The following EGF variants were observed in gnomAD, a reference collection of about 807,000 sequenced individuals.
The protein encoded by EGF is epidermal growth factor.
In EGF, 95 loss-of-function variants were observed where a neutral mutation model predicts 143.8. The observed-to-expected ratio is 0.66, with a 90% confidence interval of 0.56 to 0.78. The LOEUF is 0.78. EGF is among the 30% of genes least tolerant of loss of function. EGF has a pLI of 0.00. For missense variants in EGF, 1,320 were observed against 1,470.9 expected, an observed-to-expected ratio of 0.90 and a Z score of 1.68; for synonymous variants, 510 against 510.5, an observed-to-expected ratio of 1.00 and a Z score of 0.01.
chr4:109,960,437 G>A (rs1475852982), intron 6 of EGF, among the ~76,000 whole-genome samples: 1 of 152,206 alleles, frequency 6.6e-6, no homozygotes, highest in African/African-American at 2.4e-5. Context: ...TTGAGTCCCA[G>A]AGTTCAAGAT....
chr4:109,998,601 C>A (rs533430531), intron 20 of EGF, among the ~76,000 whole-genome samples: 2 of 152,332 alleles, frequency 1.3e-5, no homozygotes, highest in African/African-American at 4.8e-5. Context: ...AAGTACTAAT[C>A]CATTTCCCTC....
At chr4:109,946,808 A>G (rs1742940439) in intron 5 of EGF, among the ~76,000 whole-genome samples, 1 of 152,204 alleles carries the variant, frequency 6.6e-6, no homozygotes, top group African/African-American at 2.4e-5. Context: ...TTCTAAATGT[A>G]GTCTTCTCTG....
intron 23 of EGF, among the ~76,000 whole-genome samples, chr4:110,010,377 C>G (rs538461116): frequency 6.6e-6 from 1 of 152,180 alleles, no homozygotes; most frequent in East Asian, 1.9e-4. Context: ...GTGTCAGGTT[C>G]TTTAAATCAC....
chr4:109,932,383 T>TATATATATATATATATAAA lies in EGF; in HGVS notation c.128-8563_128-8562insATATATATATATATATAAA, dbSNP rs1560643572. ...GTCATATATATATATATATAAATTT[T>TATATATATATATATATAAA]TTTTTTTTTTTTTGAGACGGAGTCT... On this transcript the variant is annotated intron_variant, in intron 1 of 23. Coordinates refer to ENST00000265171, the MANE Select transcript of EGF (RefSeq NM_001963.6). Among the ~76,000 whole-genome samples, 13 of 86,686 alleles carry TATATATATATATATATAAA rather than the reference T, an allele frequency of 1.5e-4. No individual in the cohort carries two copies. The East Asian group carries it at 4.3e-3, about 28-fold the overall frequency. The allele number at this position is 86,686 out of a possible 152,430, so 56.9% of individuals were successfully genotyped here.
At position 109,923,092 on chromosome 4, in the gene EGF, C is replaced by A. The variant is rs550139820; in HGVS notation, c.127+9630C>A. ...TTTATTATCCTAACATGTGACAAAA[C>A]TCCCCATTAATTATTTTTTTTAAAT... On this transcript the variant is annotated intron_variant, in intron 1 of 23. Coordinates refer to ENST00000265171, the MANE Select transcript of EGF (RefSeq NM_001963.6). Among the ~76,000 whole-genome samples the A allele has an allele frequency of 2.0e-5, 3 of 151,474 alleles. No homozygotes were observed. The East Asian group carries it at 5.8e-4, about 29-fold the overall frequency.
chr4:109,917,036 A>G (rs1736779449), intron 1 of EGF, among the ~76,000 whole-genome samples: 2 of 152,172 alleles, frequency 1.3e-5, no homozygotes, highest in Non-Finnish European at 2.9e-5. Context: ...TTCTTATACC[A>G]ACTGATAAAA....
chr4:109,982,033 A>G (rs1389464618), intron 15 of EGF, among the ~76,000 whole-genome samples: 1 of 151,234 alleles, frequency 6.6e-6, no homozygotes, highest in Non-Finnish European at 1.5e-5. Context: ...CCCAGGCTCA[A>G]ATAGCTGGGA....
chr4:110,002,630 A>G (rs904151540), intron 21 of EGF, among the ~76,000 whole-genome samples: 1 of 152,210 alleles, frequency 6.6e-6, no homozygotes, highest in Non-Finnish European at 1.5e-5. Context: ...GTATTTCATC[A>G]CAAAGTATAA....
At chr4:109,997,350 T>G (rs1343000267) in intron 20 of EGF, among the ~76,000 whole-genome samples, 1 of 152,158 alleles carries the variant, frequency 6.6e-6, no homozygotes, top group Non-Finnish European at 1.5e-5. Flanking sequence ...AACCATAATT[T>G]CTAATCTTCT....
intron 20 of EGF, 26 bp downstream of exon 20, chr4:109,994,906 C>G: frequency 6.2e-7 from 1 of 1,613,746 alleles, no homozygotes; most frequent in Non-Finnish European, 8.5e-7. Flanking sequence ...TTGCTGATGG[C>G]ACAGAGAGAT....
rs148251086 is a variant in EGF at position 109,939,233 on chromosome 4, A to G, written c.128-1713A>G. The stretch of plus-strand genomic sequence containing the variant: ...ACTGTGAGCATAGCACTACCTACTC[A>G]AGCCTCAGCAATGGTGGCATCCCTC... On this transcript the variant is annotated intron_variant, in intron 1 of 23. Coordinates refer to ENST00000265171, the MANE Select transcript of EGF (RefSeq NM_001963.6). 3.2e-3 allele frequency among the ~76,000 whole-genome samples: 481 copies of G among 152,264 alleles called. 2 individuals carry two copies. Among genetic ancestry groups the G allele is most frequent in the African/African-American group, 0.011 (456 of 41,540 alleles).
chr4:109,995,509 G>A (rs998420307), intron 20 of EGF, among the ~76,000 whole-genome samples: 3 of 152,174 alleles, frequency 2.0e-5, no homozygotes, highest in African/African-American at 7.2e-5. Context: ...ATTTGAGGAA[G>A]CCCTAAAACT....
At chr4:109,972,926 G>C (rs1335192993) in intron 11 of EGF, among the ~76,000 whole-genome samples, 1 of 152,220 alleles carries the variant, frequency 6.6e-6, no homozygotes, top group Non-Finnish European at 1.5e-5. Context: ...GCCCTACCTT[G>C]TGTTTCTAGG....
intron 14 of EGF, 26 bp from the exon 15 acceptor site, chr4:109,980,800 G>A: frequency 1.9e-6 from 3 of 1,613,816 alleles, no homozygotes; most frequent in Non-Finnish European, 2.5e-6. Context: ...AAACCCACTT[G>A]TGAATTTGTT....
chr4:109,979,063 G>A (rs529799203), intron 13 of EGF, among the ~76,000 whole-genome samples: 3 of 152,324 alleles, frequency 2.0e-5, no homozygotes, highest in South Asian at 2.1e-4. Flanking sequence ...ATTCCCTTGC[G>A]TATTCAATAC....
chr4:109,964,268 A>C, intron 9 of EGF, 133 bp from the exon 10 acceptor site: 2 of 1,266,990 alleles, frequency 1.6e-6, no homozygotes, highest in South Asian at 2.5e-5. Flanking sequence ...CCTATACCAC[A>C]CTAGAGGGAA....
intron 1 of EGF, among the ~76,000 whole-genome samples, chr4:109,914,199 C>T (rs1280248670): frequency 6.6e-6 from 1 of 152,206 alleles, no homozygotes. Context: ...CTCTCTCTAA[C>T]TGTTAATTCA....
intron 22 of EGF, 52 bp from the exon 23 acceptor site, chr4:110,008,100 T>TA (rs1344446446): frequency 6.6e-7 from 1 of 1,505,682 alleles, no homozygotes; most frequent in Non-Finnish European, 9.2e-7. Context: ...TACGTTGAGA[T>TA]AATTTGTGAA....
At chr4:109,983,264 T>A (rs1749650096) in intron 15 of EGF, among the ~76,000 whole-genome samples, 158 bp from the exon 16 acceptor site, 1 of 152,218 alleles carries the variant, frequency 6.6e-6, no homozygotes. Flanking sequence ...GGGTGAGGTT[T>A]ACTAAGTTAC....
Sources: gnomAD v4.1 joint callset for allele counts (sites outside exome capture counted in the v4.1 genomes callset) on GRCh38, gnomAD v4.1.1 for gene constraint, MANE v1.5 for transcripts, NCBI Gene and HGNC (gene_info 2026-07-23, HGNC 2026-07-21) for gene names.